ZNF273: variants seen among roughly 807,000 people sequenced by gnomAD.
ZNF273 encodes zinc finger protein 9.
In ZNF273, 11 loss-of-function variants were observed where a neutral mutation model predicts 14.9. The observed-to-expected ratio is 0.74, with a 90% CI of 0.46 to 1.22. ZNF273 has a LOEUF of 1.22. ZNF273 is among the 50% of genes most tolerant of loss of function. ZNF273 has a pLI of 0.00. For synonymous variants in ZNF273, 199 were observed against 223.9 expected (o/e 0.89, Z 0.99); for missense variants, 577 against 660.6 (o/e 0.87, Z 1.39).
At chr7:64,889,867 A>T (rs1486037961), downstream of ZNF273, 1 of 663,018 alleles carries the variant, frequency 1.5e-6, no homozygotes, top group East Asian at 1.4e-4. The surrounding 1 kb of genome is among the most constrained non-coding windows in gnomAD (Gnocchi z 4.2). Flanking sequence ...TGCTGCCTCT[A>T]TGTCGGCTTC....
rs71061324 is a variant in ZNF273 at position 64,912,826 on chromosome 7, G to GTTTTT, written c.103-4739_103-4735dup. 6.3e-4 allele frequency among the ~76,000 whole-genome samples: 23 copies of GTTTTT among 36,556 alleles called. 1 individual carries two copies. The highest frequency in any genetic ancestry group is 1.2e-3 in the African/African-American group (15 of 12,204). The allele number at this position is 36,556 out of a possible 152,430, so 24.0% of individuals were successfully genotyped here. On this transcript the variant is annotated intron_variant, in intron 1 of 3. Coordinates refer to ENST00000476120, the MANE Select transcript of ZNF273 (RefSeq NM_021148.3). ...TCTTTTTGACTCAGGATTCATTTTA[G>GTTTTT]TTTTTTTTTTTTTTTTTTTTGAGAT...
intron 2 of ZNF273, among the ~76,000 whole-genome samples, chr7:64,878,759 T>C (rs1459868495): frequency 6.6e-6 from 1 of 152,342 alleles, no homozygotes; most frequent in Non-Finnish European, 1.5e-5. Context: ...GGATGACTGA[T>C]GTTTCCTGAA....
At chr7:64,903,138 A>C (rs1792836672), upstream of ZNF273, 2 of 534,928 alleles carry the variant, frequency 3.7e-6, no homozygotes, top group Admixed American at 6.5e-5. Context: ...GCAACTGAGC[A>C]CACCTTCTGT....
intron 3 of ZNF273, among the ~76,000 whole-genome samples, chr7:64,896,579 T>C (rs1792375444): frequency 6.6e-6 from 1 of 152,122 alleles, no homozygotes; most frequent in African/African-American, 2.4e-5. Context: ...TAAATGATTT[T>C]ATTCTTATTC....
intron 1 of ZNF273, among the ~76,000 whole-genome samples, chr7:64,912,201 C>T (rs1304654764): frequency 5.3e-5 from 8 of 152,158 alleles, no homozygotes; most frequent in Admixed American, 6.5e-5. Flanking sequence ...TGAGGTGATT[C>T]GCCCGCCTCG....
intron 1 of ZNF273, among the ~76,000 whole-genome samples, chr7:64,885,252 A>G (rs189197155): frequency 5.2e-4 from 79 of 152,252 alleles, no homozygotes; most frequent in African/African-American, 1.9e-3. Flanking sequence ...GGCCTCCCCA[A>G]GCCCTCTCTG....
At chr7:64,917,386 A>T (rs1794081305) in intron 1 of ZNF273, among the ~76,000 whole-genome samples, 195 bp from the exon 2 acceptor site, 1 of 152,198 alleles carries the variant, frequency 6.6e-6, no homozygotes, top group Non-Finnish European at 1.5e-5. Context: ...TGTGGATCTT[A>T]TGCTACTCTT....
At chr7:64,922,693 T>C (rs1794556903) in intron 3 of ZNF273, among the ~76,000 whole-genome samples, 1 of 150,826 alleles carries the variant, frequency 6.6e-6, no homozygotes, top group Non-Finnish European at 1.5e-5. Flanking sequence ...AGGTTATTAG[T>C]CCATGTCACA....
chr7:64,911,529 C>T lies in ZNF273; in HGVS notation c.103-6052C>T, dbSNP rs1230256704. Among the ~76,000 whole-genome samples, 8 of 152,286 alleles carry T rather than the reference C, an allele frequency of 5.3e-5. No homozygotes were observed. In the East Asian group the frequency reaches 1.5e-3, roughly 29 times the overall value. Reference sequence around the variant, plus strand: ...CCACCCGCCTTAGCCTCCCGAAGTGCTGGGATTACAGGTGTGAGCCACTGT... The same window carrying T: ...CCACCCGCCTTAGCCTCCCGAAGTGTTGGGATTACAGGTGTGAGCCACTGT... On this transcript the variant is annotated intron_variant, in intron 1 of 3. Coordinates refer to ENST00000476120, the MANE Select transcript of ZNF273 (RefSeq NM_021148.3).
chr7:64,921,067 T>C (rs1794416116), intron 3 of ZNF273, among the ~76,000 whole-genome samples: 2 of 125,190 alleles, frequency 1.6e-5, no homozygotes, highest in South Asian at 6.2e-4. Flanking sequence ...TTATTTTTCT[T>C]TTTTTTTTCT....
chr7:64,878,398 T>TCGAAATC (rs1791170001), exon 2 of ZNF273: 2 of 152,300 alleles, frequency 1.3e-5, no homozygotes, highest in African/African-American at 4.8e-5. Flanking sequence ...TGAATTCACT[T>TCGAAATC]CGAAATCCGT....
At chr7:64,880,701 G>A (rs1791221668), downstream of ZNF273, among the ~76,000 whole-genome samples, 1 of 152,014 alleles carries the variant, frequency 6.6e-6, no homozygotes, top group Admixed American at 6.6e-5. Flanking sequence ...GGCTAGCTGA[G>A]ATGCGACGGG....
At chr7:64,917,752 T>G (rs775344795) in intron 2 of ZNF273, 45 bp downstream of exon 2, 2 of 1,508,606 alleles carry the variant, frequency 1.3e-6, no homozygotes, top group Non-Finnish European at 1.8e-6. Context: ...CACTTCTCCT[T>G]TCTGTAGAAT....
At chr7:64,921,892 G>A (rs13223142) in intron 3 of ZNF273, among the ~76,000 whole-genome samples, 68,316 of 151,640 alleles carry the variant, frequency 0.45, 15,681 homozygotes, top group Admixed American at 0.51. Context: ...GCCTCCCAAA[G>A]TGCTGGGATT....
intron 1 of ZNF273, among the ~76,000 whole-genome samples, chr7:64,887,333 T>C (rs1791649499): frequency 7.0e-6 from 1 of 142,780 alleles, no homozygotes; most frequent in Non-Finnish European, 1.6e-5. Context: ...CATGTTCTCA[T>C]CTGGCCTCAT....
intron 1 of ZNF273, among the ~76,000 whole-genome samples, chr7:64,885,121 T>C (rs1265078800): frequency 6.6e-6 from 1 of 152,326 alleles, no homozygotes; most frequent in South Asian, 2.1e-4. Context: ...AGGGGACCTT[T>C]GTGGACACGT....
rs1436619151 is a variant in ZNF273, at chr7:64,928,340, A to G, written c.1012A>G (p.Ile338Val). 2 of 1,613,710 alleles carry G rather than the reference A, an allele frequency of 1.2e-6. No individual in the cohort carries two copies. Among genetic ancestry groups the G allele is most frequent in the Admixed American group, 3.3e-5 (2 of 59,982 alleles). Residue 338 changes from isoleucine to valine, a missense_variant, in exon 4 of 4, where the codon ATA becomes GTA. Physicochemically the swap from Ile to Val is conservative, Grantham distance 29. Coordinates refer to ENST00000476120, the MANE Select transcript of ZNF273 (RefSeq NM_021148.3). ...SIFSTLTKHK[I>V]IHTGEKPYKC... ...ATTCTCAACCCTTACTAAACATAAG[A>G]TAATTCATACTGGAGAGAAACCCTA...
Position 64,912,826 on chromosome 7 carries a change from G to GTTTTTTGTTTTT in ZNF273, c.103-4749_103-4748insGTTTTTTTTTTT. ...TCTTTTTGACTCAGGATTCATTTTA[G>GTTTTTTGTTTTT]TTTTTTTTTTTTTTTTTTTTGAGAT... On this transcript the variant is annotated intron_variant, in intron 1 of 3. Transcript: ENST00000476120. 8.2e-5 allele frequency among the ~76,000 whole-genome samples: 3 copies of GTTTTTTGTTTTT among 36,568 alleles called. 1 individual carries two copies. The highest frequency in any genetic ancestry group is 6.2e-4 in the East Asian group (1 of 1,626). 24.0% of individuals were successfully genotyped at this position (36,568 alleles called of 152,430 possible). A position where few individuals can be genotyped will look rare whatever the true frequency, so the allele number is the denominator to read the frequency against.
chr7:64,910,571 G>A (rs1321213248), intron 1 of ZNF273, among the ~76,000 whole-genome samples: 3 of 151,418 alleles, frequency 2.0e-5, no homozygotes, highest in Non-Finnish European at 4.4e-5. Flanking sequence ...GTACCATGCT[G>A]CTTTGGTAAC....
Sources: allele counts gnomAD v4.1 joint callset (sites outside exome capture counted in the v4.1 genomes callset), GRCh38; gene constraint gnomAD v4.1.1; non-coding constraint Gnocchi (gnomAD v3.1); transcripts MANE v1.5; gene names NCBI Gene and HGNC (gene_info 2026-07-23, HGNC 2026-07-21).